PLCL2: variants seen among roughly 807,000 people sequenced by gnomAD.
The protein encoded by PLCL2 is phospholipase C like 2.
PLCL2 carries 4 observed loss-of-function variants against 79.6 expected under a neutral mutation model. The ratio of observed to expected loss-of-function variants is 0.05; its 90% confidence interval spans 0.02 to 0.11. The LOEUF is 0.11. Among genes scored for constraint, PLCL2 ranks in the 10% least tolerant of loss-of-function variants. The probability of loss-of-function intolerance (pLI) is 1.00; values close to 1 mark genes in which losing one functional copy is unlikely to be tolerated. For missense variants in PLCL2, 895 were observed against 1,291.0 expected (o/e 0.69, Z 4.70); for synonymous variants, 484 against 457.7 (o/e 1.06, Z -0.73).
chr3:16,986,325 A>G (rs2064050024), intron 1 of PLCL2, among the ~76,000 whole-genome samples: 2 of 151,970 alleles, frequency 1.3e-5, no homozygotes, highest in African/African-American at 4.8e-5. Context: ...ATAATTATTC[A>G]CTATGTTAGT....
intron 3 of PLCL2, among the ~76,000 whole-genome samples, chr3:17,019,023 T>G (rs2064416349): frequency 6.6e-6 from 1 of 152,192 alleles, no homozygotes. Context: ...CAATAGATAG[T>G]AAATAGATAT....
At chr3:16,924,539 G>A (rs749913170) in intron 1 of PLCL2, among the ~76,000 whole-genome samples, 4 of 152,128 alleles carry the variant, frequency 2.6e-5, no homozygotes, top group Non-Finnish European at 4.4e-5. Flanking sequence ...CTTCCTATTT[G>A]CACAGACCCT....
At chr3:16,960,830 G>T (rs1331303638) in intron 1 of PLCL2, among the ~76,000 whole-genome samples, 1 of 152,138 alleles carries the variant, frequency 6.6e-6, no homozygotes, top group African/African-American at 2.4e-5. Context: ...GCTTAAGAGT[G>T]AGAATATATT....
intron 1 of PLCL2, among the ~76,000 whole-genome samples, chr3:16,896,656 T>C (rs993969169): frequency 6.6e-5 from 10 of 152,180 alleles, no homozygotes; most frequent in African/African-American, 2.4e-4. Context: ...CAAAACCAGT[T>C]ATCCAGATAT....
chr3:17,029,413 G>A lies in PLCL2; in HGVS notation c.3019-13461G>A, dbSNP rs547018182. ...GAGCTTAGTGCAGAAGAGAGGAGGA[G>A]GAAAATGTGAGGGCCCCTAGTTATT... On this transcript the variant is annotated intron_variant, in intron 3 of 5. Transcript: ENST00000615277. Among the ~76,000 whole-genome samples, 8 of 151,946 alleles carry A rather than the reference G, an allele frequency of 5.3e-5. No homozygotes were observed. In the South Asian group the frequency reaches 1.7e-3, roughly 32 times the overall value.
At chr3:16,951,253 G>C (rs965144001) in intron 1 of PLCL2, among the ~76,000 whole-genome samples, 1 of 151,694 alleles carries the variant, frequency 6.6e-6, no homozygotes, top group African/African-American at 2.4e-5. Flanking sequence ...TTCTATTTTT[G>C]TTTGGATATC....
intron 3 of PLCL2, among the ~76,000 whole-genome samples, chr3:17,037,591 CAAAG>C (rs1559527805): frequency 6.6e-6 from 1 of 151,940 alleles, no homozygotes. Flanking sequence ...GCAGGACAGG[CAAAG>C]AAAGCAGTTT....
chr3:16,961,301 T>C (rs2124969291), intron 1 of PLCL2, among the ~76,000 whole-genome samples: 1 of 152,326 alleles, frequency 6.6e-6, no homozygotes, highest in South Asian at 2.1e-4. Context: ...TTCACTCATT[T>C]ATTTATTTAT....
At chr3:16,976,445 C>A (rs2063926810) in intron 1 of PLCL2, among the ~76,000 whole-genome samples, 1 of 152,158 alleles carries the variant, frequency 6.6e-6, no homozygotes, top group Non-Finnish European at 1.5e-5. Flanking sequence ...TAGGAGAAAC[C>A]TGTTTTTGCT....
intron 4 of PLCL2, among the ~76,000 whole-genome samples, chr3:17,058,006 T>C (rs1345430759): frequency 1.3e-5 from 2 of 152,204 alleles, no homozygotes; most frequent in Admixed American, 1.3e-4. Context: ...TCTAAGCCAC[T>C]CATAAGTGTA....
chr3:16,957,060 T>C lies in PLCL2; in HGVS notation c.328-52614T>C, dbSNP rs182328887. On this transcript the variant is annotated intron_variant, in intron 1 of 5. Transcript: ENST00000615277. ...CTGCTCTGATTTTAGTTGTTTCTTGTCTTCTGCTAGCTTTTGCATGTGTTT... is the reference window on the plus strand; with the variant it reads ...CTGCTCTGATTTTAGTTGTTTCTTGCCTTCTGCTAGCTTTTGCATGTGTTT... Among the ~76,000 whole-genome samples the C allele has an allele frequency of 4.5e-4, 68 of 152,282 alleles. 1 individual carries two copies. The highest frequency in any genetic ancestry group is 7.5e-4 in the Non-Finnish European group (51 of 68,030).
At chr3:17,014,606 G>T in intron 2 of PLCL2, 102 bp from the exon 3 acceptor site, 1 of 889,776 alleles carries the variant, frequency 1.1e-6, no homozygotes, top group Non-Finnish European at 1.8e-6. Context: ...AATAACTTTT[G>T]TACCAGGTGG....
Position 17,075,545 on chromosome 3 carries a change from TA to T in PLCL2, c.3204+7499del, listed in dbSNP as rs61190858. On this transcript the variant is annotated intron_variant, in intron 5 of 5. Coordinates refer to ENST00000615277, the MANE Select transcript of PLCL2 (RefSeq NM_001144382.2). ...AAGGTTGCCACAAACCTTCAATGTG[TA>T]AAAAAAAAAAAAAAAAAATGCAGTA... Among the ~76,000 whole-genome samples the T allele has an allele frequency of 4.9e-3, 642 of 129,726 alleles. 4 individuals are homozygous for T. The highest frequency in any genetic ancestry group is 0.023 in the South Asian group (94 of 4,020). 85.1% of individuals were successfully genotyped at this position (129,726 alleles called of 152,430 possible).
At chr3:17,069,813 C>G (rs2124944537) in intron 5 of PLCL2, among the ~76,000 whole-genome samples, 1 of 152,314 alleles carries the variant, frequency 6.6e-6, no homozygotes, top group South Asian at 2.1e-4. Context: ...TTGACTTCTT[C>G]AGACATTTCC....
At chr3:16,902,097 C>CA (rs1696632461) in intron 1 of PLCL2, among the ~76,000 whole-genome samples, 1 of 152,234 alleles carries the variant, frequency 6.6e-6, no homozygotes, top group Admixed American at 6.5e-5. Flanking sequence ...AGCATGCCCC[C>CA]AGCCATCTCA....
chr3:17,007,015 T>C (rs1173712957), intron 1 of PLCL2, among the ~76,000 whole-genome samples: 1 of 152,264 alleles, frequency 6.6e-6, no homozygotes, highest in Non-Finnish European at 1.5e-5. Context: ...ATATATTTCT[T>C]AATGGATCAG....
At chr3:17,002,879 G>C (rs1444024132) in intron 1 of PLCL2, among the ~76,000 whole-genome samples, 1 of 151,150 alleles carries the variant, frequency 6.6e-6, no homozygotes, top group East Asian at 1.9e-4. Context: ...TATTTAGTCT[G>C]CTTATTACCC....
chr3:17,017,972 G>C (rs1199693086), intron 3 of PLCL2, among the ~76,000 whole-genome samples: 1 of 152,154 alleles, frequency 6.6e-6, no homozygotes, highest in Non-Finnish European at 1.5e-5. Context: ...GACTTGTGGT[G>C]CTCTCGTGGC....
chr3:17,037,470 T>A (rs556203209), intron 3 of PLCL2, among the ~76,000 whole-genome samples: 1 of 152,178 alleles, frequency 6.6e-6, no homozygotes, highest in African/African-American at 2.4e-5. Context: ...AAGAACAAAG[T>A]TTTTTTACTG....
Sources: gnomAD v4.1 joint callset for allele counts (sites outside exome capture counted in the v4.1 genomes callset) on GRCh38, gnomAD v4.1.1 for gene constraint, MANE v1.5 for transcripts, NCBI Gene and HGNC (gene_info 2026-07-23, HGNC 2026-07-21) for gene names.